Variants in GAS7 observed in about 807,000 individuals in gnomAD.
The protein encoded by GAS7 is growth arrest specific 7.
In GAS7, 28 loss-of-function variants were observed where a neutral mutation model predicts 71.1. The ratio of observed to expected loss-of-function variants is 0.39; its 90% CI spans 0.29 to 0.54. The LOEUF is 0.54. GAS7 is among the 20% of genes least tolerant of loss of function. The probability of loss-of-function intolerance (pLI) is 0.62; values close to 1 mark genes in which losing one functional copy is unlikely to be tolerated. For missense variants in GAS7, 436 were observed against 627.8 expected, an observed-to-expected ratio of 0.69 and a Z score of 3.27; for synonymous variants, 258 against 245.8, an observed-to-expected ratio of 1.05 and a Z score of -0.46.
intron 1 of GAS7, among the ~76,000 whole-genome samples, chr17:10,037,497 T>C (rs2072777107): frequency 6.6e-6 from 1 of 150,384 alleles, no homozygotes. Flanking sequence ...GACCGAGTGG[T>C]TCCCTATTAA....
intron 1 of GAS7, among the ~76,000 whole-genome samples, chr17:10,080,055 A>C (rs1359663133): frequency 1.3e-5 from 2 of 152,196 alleles, no homozygotes; most frequent in Non-Finnish European, 2.9e-5. Flanking sequence ...TAGATTTGGC[A>C]TTCTAAGTCA....
intron 2 of GAS7, among the ~76,000 whole-genome samples, chr17:10,011,463 T>G (rs1243481148): frequency 6.6e-6 from 1 of 152,132 alleles, no homozygotes; most frequent in East Asian, 1.9e-4. Context: ...CTACGGCTCC[T>G]CCTTGCAGCC....
chr17:10,092,200 T>C (rs1167702625), intron 1 of GAS7, among the ~76,000 whole-genome samples: 1 of 152,204 alleles, frequency 6.6e-6, no homozygotes, highest in Non-Finnish European at 1.5e-5. Flanking sequence ...CCTACAAGGC[T>C]GCTCCCTCAT....
rs528520345 is a variant in GAS7 at position 9,986,586 on chromosome 17, T to G, written c.305-4702A>C. ...AACAGCAGCCAGCAGCTCCGGGGGC[T>G]GCAGGAGGCTCTGAAACCCTAGGTG... On this transcript the variant is annotated intron_variant, in intron 2 of 13. Coordinates refer to ENST00000432992, the MANE Select transcript of GAS7 (RefSeq NM_201433.2). Among the ~76,000 whole-genome samples, 7 of 152,302 alleles carry G rather than the reference T, an allele frequency of 4.6e-5. No homozygotes were observed. The East Asian group carries it at 1.2e-3, about 25-fold the overall frequency.
At chr17:10,154,148 T>C (rs1029953344) in intron 1 of GAS7, among the ~76,000 whole-genome samples, 1 of 152,156 alleles carries the variant, frequency 6.6e-6, no homozygotes, top group Admixed American at 6.5e-5. Context: ...AGAATATAAA[T>C]GCTGGTTAAC....
intron 9 of GAS7, among the ~76,000 whole-genome samples, 158 bp downstream of exon 9, chr17:9,934,007 GA>G (rs1485160082): frequency 6.6e-6 from 1 of 152,234 alleles, no homozygotes; most frequent in Non-Finnish European, 1.5e-5. Context: ...CCACTGGGCA[GA>G]TATCTCTTCC....
intron 8 of GAS7, among the ~76,000 whole-genome samples, chr17:9,936,663 A>T (rs552163847): frequency 6.6e-6 from 1 of 152,232 alleles, no homozygotes; most frequent in African/African-American, 2.4e-5. Flanking sequence ...GCTACTTACA[A>T]ATTCTCTCAT....
intron 1 of GAS7, among the ~76,000 whole-genome samples, chr17:10,116,244 G>A (rs900863301): frequency 6.6e-6 from 1 of 152,010 alleles, no homozygotes; most frequent in African/African-American, 2.4e-5. Context: ...AACCCAGGAG[G>A]CGGAGGTTGC....
chr17:9,955,540 G>A (rs2069196295), intron 5 of GAS7, among the ~76,000 whole-genome samples: 1 of 152,168 alleles, frequency 6.6e-6, no homozygotes, highest in African/African-American at 2.4e-5. Flanking sequence ...GGCACAGAGA[G>A]GCTAAGTCAC....
intron 1 of GAS7, among the ~76,000 whole-genome samples, chr17:10,023,679 C>G (rs1157593449): frequency 2.6e-5 from 4 of 152,130 alleles, no homozygotes; most frequent in Non-Finnish European, 5.9e-5. Flanking sequence ...TTTCCAGAGG[C>G]CTGGGGAGGG....
intron 3 of GAS7, among the ~76,000 whole-genome samples, chr17:9,976,422 G>C (rs562699402): frequency 6.6e-6 from 1 of 152,374 alleles, no homozygotes; most frequent in East Asian, 1.9e-4. Context: ...CGCAAGAAGC[G>C]AGGGTCTTCC....
intron 1 of GAS7, among the ~76,000 whole-genome samples, chr17:10,111,949 AT>A (rs1191056583): frequency 6.6e-6 from 1 of 152,208 alleles, no homozygotes; most frequent in African/African-American, 2.4e-5. Context: ...GCTCTCCCAT[AT>A]GGTAGTCAGT....
intron 1 of GAS7, among the ~76,000 whole-genome samples, chr17:10,142,634 G>A (rs1421164518): frequency 2.0e-5 from 3 of 152,204 alleles, no homozygotes; most frequent in East Asian, 1.9e-4. Flanking sequence ...TTACAGGCAT[G>A]AGCCACCGTG....
At chr17:9,968,878 C>G (rs943124362) in intron 4 of GAS7, among the ~76,000 whole-genome samples, 13 of 152,196 alleles carry the variant, frequency 8.5e-5, no homozygotes, top group Admixed American at 2.6e-4. Context: ...TTCATTATCA[C>G]CTCCAGGATT....
intron 1 of GAS7, among the ~76,000 whole-genome samples, chr17:10,056,084 G>A (rs1373134950): frequency 6.6e-6 from 1 of 152,170 alleles, no homozygotes. Flanking sequence ...TTCTAGAACA[G>A]TGTCCAATGT....
intron 1 of GAS7, among the ~76,000 whole-genome samples, chr17:10,093,323 A>G (rs145326705): frequency 0.011 from 1,677 of 152,008 alleles, 16 homozygotes; most frequent in South Asian, 0.019. Context: ...CACGCCTGTA[A>G]TCCCAGCACT....
Position 9,914,305 on chromosome 17 carries a change from C to G in GAS7, c.*2923G>C. ...GCAGTGGCCCGATCTTGGTTCACTG[C>G]AATCTCCGCCTCCCAGGTTCAAGCG... On this transcript the variant is annotated 3_prime_UTR_variant, in exon 14 of 14. Transcript: ENST00000432992. 5.3e-6 allele frequency: 1 copy of G among 189,002 alleles called. No homozygotes were observed. The highest frequency in any genetic ancestry group is 8.5e-5 in the East Asian group (1 of 11,776). 11.7% of individuals were successfully genotyped at this position (189,002 alleles called of 1,614,324 possible).
In GAS7 at chr17:9,953,586, C is replaced by T. The variant is rs570961462; in HGVS notation, c.525+5616G>A. Among the ~76,000 whole-genome samples the T allele has an allele frequency of 3.9e-5, 6 of 152,284 alleles. No individual in the cohort carries two copies. The South Asian group carries it at 6.2e-4, about 16-fold the overall frequency. On this transcript the variant is annotated intron_variant, in intron 5 of 13. Coordinates refer to ENST00000432992, the MANE Select transcript of GAS7 (RefSeq NM_201433.2). The stretch of plus-strand genomic sequence containing the variant: ...CTGAGGATCACAGAAGCGAGGTATC[C>T]GAATCCAGATCCAGCTGACTGCAGA...
chr17:9,972,113 G>A (rs1475312406), intron 3 of GAS7, among the ~76,000 whole-genome samples: 1 of 152,222 alleles, frequency 6.6e-6, no homozygotes, highest in Admixed American at 6.5e-5. Context: ...CAGGCCCCTA[G>A]TACAGTAGAA....
Sources: gnomAD v4.1 joint callset for allele counts (sites outside exome capture counted in the v4.1 genomes callset) on GRCh38, gnomAD v4.1.1 for gene constraint, MANE v1.5 for transcripts, NCBI Gene and HGNC (gene_info 2026-07-23, HGNC 2026-07-21) for gene names.